Variants in MACROD2 observed in about 807,000 individuals in gnomAD.
MACROD2 encodes mono-ADP ribosylhydrolase 2.
A neutral mutation model predicts 70.4 loss-of-function variants in MACROD2; 36 were observed. The observed-to-expected ratio is 0.51, with a 90% CI of 0.39 to 0.68. The LOEUF is 0.68. Ranked by LOEUF, MACROD2 falls within the 30% of genes least tolerant of loss-of-function variation. The pLI is 0.00. For synonymous variants in MACROD2, 172 were observed against 178.8 expected, an observed-to-expected ratio of 0.96 and a Z score of 0.30; for missense variants, 496 against 538.4, an observed-to-expected ratio of 0.92 and a Z score of 0.78.
chr20:14,764,451 A>G (rs1314803206), intron 5 of MACROD2, among the ~76,000 whole-genome samples: 2 of 152,084 alleles, frequency 1.3e-5, no homozygotes, highest in Non-Finnish European at 2.9e-5. Flanking sequence ...GTTTCTTGCC[A>G]GATTCCATGT....
chr20:14,818,825 GTTTTTTTTT>G (rs754477468), intron 5 of MACROD2, among the ~76,000 whole-genome samples: 4 of 78,382 alleles, frequency 5.1e-5, no homozygotes, highest in Non-Finnish European at 7.3e-5. Context: ...TCTTCCTTAG[GTTTTTTTTT>G]TTTTTTTTTT....
intron 3 of MACROD2, among the ~76,000 whole-genome samples, chr20:14,371,442 A>T (rs2083322502): frequency 6.6e-6 from 1 of 152,164 alleles, no homozygotes; most frequent in African/African-American, 2.4e-5. Context: ...GTGAGTCATG[A>T]TCATGCTATT....
At chr20:14,679,922 A>G (rs893537692) in intron 4 of MACROD2, among the ~76,000 whole-genome samples, 1 of 152,216 alleles carries the variant, frequency 6.6e-6, no homozygotes, top group Non-Finnish European at 1.5e-5. Flanking sequence ...GTTTATTGGC[A>G]CTAGCAAGTA....
At chr20:15,084,835 T>C (rs1483011934) in intron 5 of MACROD2, among the ~76,000 whole-genome samples, 2 of 152,206 alleles carry the variant, frequency 1.3e-5, no homozygotes, top group Admixed American at 1.3e-4. Flanking sequence ...CATTAAAACA[T>C]ATATGTCCTT....
rs149637954 is a variant in MACROD2, at chr20:14,011,826, G to C, written c.163+9422G>C. ...TTACAGGCCTGAGCCACCGCGCCTG[G>C]CCTCCCCTATGATTTTCTTAATGGC... is the stretch of plus-strand genomic sequence containing the variant. On this transcript the variant is annotated intron_variant, in intron 2 of 17. Coordinates refer to ENST00000684519, the MANE Select transcript of MACROD2 (RefSeq NM_001351661.2). Among the ~76,000 whole-genome samples the C allele has an allele frequency of 2.2e-3, 337 of 152,214 alleles. 3 individuals are homozygous for C. The highest frequency in any genetic ancestry group is 0.022 in the East Asian group (113 of 5,170).
At chr20:15,513,054 T>C (rs1447968444) in intron 8 of MACROD2, among the ~76,000 whole-genome samples, 2 of 152,226 alleles carry the variant, frequency 1.3e-5, no homozygotes, top group East Asian at 1.9e-4. Flanking sequence ...TTCCTCCTTC[T>C]ACAAATTTAA....
intron 4 of MACROD2, among the ~76,000 whole-genome samples, chr20:14,558,176 G>A (rs927020235): frequency 2.0e-5 from 3 of 151,728 alleles, no homozygotes; most frequent in Non-Finnish European, 3.0e-5. Flanking sequence ...TGTAGAGGCC[G>A]TAAGCAGATT....
At chr20:14,752,471 C>T (rs2071886416) in intron 5 of MACROD2, among the ~76,000 whole-genome samples, 1 of 152,022 alleles carries the variant, frequency 6.6e-6, no homozygotes, top group African/African-American at 2.4e-5. Context: ...GTATCTGCTT[C>T]TTTCTGTCAC....
intron 6 of MACROD2, among the ~76,000 whole-genome samples, chr20:15,346,185 C>T (rs910605099): frequency 5.3e-5 from 8 of 151,970 alleles, no homozygotes; most frequent in Non-Finnish European, 7.4e-5. Context: ...CTTCTGGGCT[C>T]AAGCAATCCT....
chr20:15,268,319 T>C (rs765454970), intron 6 of MACROD2, among the ~76,000 whole-genome samples: 20 of 152,216 alleles, frequency 1.3e-4, no homozygotes, highest in Non-Finnish European at 2.6e-4. Context: ...AGAAGCATCA[T>C]TTCTGAATTG....
intron 10 of MACROD2, among the ~76,000 whole-genome samples, chr20:15,910,958 T>G (rs557789655): frequency 6.6e-6 from 1 of 152,360 alleles, no homozygotes; most frequent in African/African-American, 2.4e-5. Context: ...CTGTATTGGC[T>G]CTATTTCATA....
At chr20:15,765,415 G>T (rs959075406) in intron 8 of MACROD2, among the ~76,000 whole-genome samples, 1 of 152,040 alleles carries the variant, frequency 6.6e-6, no homozygotes, top group Admixed American at 6.6e-5. Flanking sequence ...TTATACTGAT[G>T]ATTCCCCTAT....
At chr20:14,011,079 C>T (rs1288860338) in intron 2 of MACROD2, among the ~76,000 whole-genome samples, 1 of 152,124 alleles carries the variant, frequency 6.6e-6, no homozygotes, top group African/African-American at 2.4e-5. Flanking sequence ...TTATGACCCC[C>T]TGATATAGAA....
intron 4 of MACROD2, among the ~76,000 whole-genome samples, chr20:14,680,283 G>A (rs1195133391): frequency 6.6e-6 from 1 of 152,120 alleles, no homozygotes; most frequent in African/African-American, 2.4e-5. Flanking sequence ...AAGCTAGAAG[G>A]TGTAAATAAC....
intron 5 of MACROD2, among the ~76,000 whole-genome samples, chr20:14,700,524 TGTGTGTGTGTG>T (rs2071184175): frequency 3.2e-4 from 40 of 125,568 alleles, no homozygotes; most frequent in African/African-American, 1.2e-3. Flanking sequence ...CATATGGTGG[TGTGTGTGTGTG>T]TGTGTGTGTG....
chr20:14,694,088 T>C (rs1849246634), intron 5 of MACROD2, among the ~76,000 whole-genome samples: 4 of 152,028 alleles, frequency 2.6e-5, no homozygotes, highest in Admixed American at 2.0e-4. Flanking sequence ...ACAAGTCACA[T>C]AAAAGCAAAG....
chr20:14,738,341 G>A (rs1211637693), intron 5 of MACROD2, among the ~76,000 whole-genome samples: 4 of 152,006 alleles, frequency 2.6e-5, no homozygotes, highest in Admixed American at 2.6e-4. Context: ...ATATAAAAAA[G>A]CTGTTTCTAT....
chr20:14,648,674 T>G (rs895749777), intron 4 of MACROD2, among the ~76,000 whole-genome samples: 1 of 151,680 alleles, frequency 6.6e-6, no homozygotes, highest in African/African-American at 2.4e-5. Flanking sequence ...TATTGCTTAG[T>G]TTTGTTTTTT....
chr20:15,551,868 C>CAAAAAA (rs5840671), intron 8 of MACROD2, among the ~76,000 whole-genome samples: 1 of 121,824 alleles, frequency 8.2e-6, no homozygotes, highest in African/African-American at 3.1e-5. Context: ...GACCCTGCCT[C>CAAAAAA]AAAAAAAAAA....
Sources: gnomAD v4.1 joint callset for allele counts (sites outside exome capture counted in the v4.1 genomes callset) on GRCh38, gnomAD v4.1.1 for gene constraint, MANE v1.5 for transcripts, NCBI Gene and HGNC (gene_info 2026-07-23, HGNC 2026-07-21) for gene names.